DGKD: variants seen among roughly 807,000 people sequenced by gnomAD.
DGKD encodes diacylglycerol kinase delta, also known as DAG kinase delta.
Under a neutral mutation model 154.4 loss-of-function variants are expected in DGKD, and 68 were observed. The observed-to-expected ratio is 0.44, with a 90% CI of 0.36 to 0.54. The LOEUF (loss-of-function observed/expected upper bound fraction) is 0.54, where lower values mean the gene tolerates loss of function less well. DGKD is among the 20% of genes least tolerant of loss of function. The probability of loss-of-function intolerance (pLI) is 0.00; values close to 1 mark genes in which losing one functional copy is unlikely to be tolerated. For missense variants in DGKD, 1,343 were observed against 1,593.6 expected (o/e 0.84, Z 2.68); for synonymous variants, 693 against 638.0 (o/e 1.09, Z -1.30).
At chr2:233,454,332 C>A (rs1482970569) in intron 18 of DGKD, 1 of 463,490 alleles carries the variant, frequency 2.2e-6, no homozygotes, top group Non-Finnish European at 4.4e-6. Context: ...CATGGATGAA[C>A]TTTGAAAACA....
intron 1 of DGKD, among the ~76,000 whole-genome samples, chr2:233,362,208 A>G (rs1701817873): frequency 6.6e-6 from 1 of 152,240 alleles, no homozygotes; most frequent in Admixed American, 6.5e-5. Context: ...AAGATAGCTC[A>G]GAAGAAAATA....
At chr2:233,464,652 A>G (rs755293616) in intron 27 of DGKD, among the ~76,000 whole-genome samples, 1 of 152,164 alleles carries the variant, frequency 6.6e-6, no homozygotes, top group Non-Finnish European at 1.5e-5. Flanking sequence ...CCCGCTGTGG[A>G]CAGGGCGCAG....
intron 3 of DGKD, among the ~76,000 whole-genome samples, chr2:233,405,989 A>G (rs1457573571): frequency 1.3e-5 from 2 of 152,268 alleles, no homozygotes; most frequent in African/African-American, 2.4e-5. Flanking sequence ...ATGTAATTCT[A>G]TCACATTCCT....
At position 233,452,152 on chromosome 2, in the gene DGKD, A is replaced by C. The variant is rs1575151649; in HGVS notation, c.2264+92A>C. 10 of 1,214,926 alleles carry C rather than the reference A, an allele frequency of 8.2e-6. No individual in the cohort carries two copies. The East Asian group carries it at 2.4e-4, about 29-fold the overall frequency. The allele number at this position is 1,214,926 out of a possible 1,614,324, so 75.3% of individuals were successfully genotyped here. A position where few individuals can be genotyped will look rare whatever the true frequency, so the allele number is the denominator to read the frequency against. On this transcript the variant is annotated intron_variant, in intron 18 of 29. Coordinates refer to ENST00000264057, the MANE Select transcript of DGKD (RefSeq NM_152879.3). The surrounding 1 kb of genome is among the most constrained non-coding windows in gnomAD (Gnocchi z 4.0). ...TCAGGATTAACTAGAGAAATTAGTG[A>C]GCAGTTGCCCAGCTGGTGGTAGCTG...
intron 3 of DGKD, among the ~76,000 whole-genome samples, chr2:233,413,224 C>T (rs1376064161): frequency 1.3e-5 from 2 of 152,152 alleles, no homozygotes; most frequent in African/African-American, 2.4e-5. Context: ...ATGGTGAAAC[C>T]TCATCCCTAC....
chr2:233,437,354 T>G (rs748399563), intron 7 of DGKD, 23 bp from the exon 8 acceptor site: 15 of 1,608,842 alleles, frequency 9.3e-6, no homozygotes, highest in Middle Eastern at 1.6e-4. Context: ...TGACCCTTGG[T>G]GACGCGGGGA....
At chr2:233,424,928 C>T (rs2062242060) in intron 3 of DGKD, among the ~76,000 whole-genome samples, 2 of 152,190 alleles carry the variant, frequency 1.3e-5, no homozygotes, top group Non-Finnish European at 2.9e-5. Flanking sequence ...CTGCATGTCT[C>T]CAGTATGTCT....
Position 233,462,643 on chromosome 2 carries a change from G to A in DGKD, c.3094G>A (p.Gly1032Arg). Residue 1032 changes from glycine to arginine, a missense_variant and splice_region_variant, in exon 26 of 30, where the codon GGG becomes AGG. Coordinates refer to ENST00000264057, the MANE Select transcript of DGKD (RefSeq NM_152879.3). The part of the protein sequence containing the change: ...RVYGKPRTTE[G>R]LNCSFVLEMV... ...TGCATATTTGCCTGGTTTCTTCTAGGGGCTCAACTGCAGCTTCGTCCTGGA... is the reference window on the plus strand; with the variant it reads ...TGCATATTTGCCTGGTTTCTTCTAGAGGCTCAACTGCAGCTTCGTCCTGGA... 2 of 1,614,028 alleles carry A rather than the reference G, an allele frequency of 1.2e-6. No homozygotes were observed. The highest frequency in any genetic ancestry group is 1.7e-6 in the Non-Finnish European group (2 of 1,179,922).
intron 1 of DGKD, 47 bp from the exon 2 acceptor site, chr2:233,388,210 G>C (rs1227078598): frequency 6.3e-7 from 1 of 1,593,276 alleles, no homozygotes; most frequent in East Asian, 2.2e-5. Context: ...AAGAGTGAAA[G>C]GGCACCTTGA....
In DGKD at chr2:233,452,738, T is replaced by C. The variant is rs2063333252; in HGVS notation, c.2264+678T>C. ...GTCTTCCTAGGTATTGGAGTCCATT[T>C]TGGAGACAAGTGGTGTTTTGAAAAC... On this transcript the variant is annotated intron_variant, in intron 18 of 29. Transcript: ENST00000264057. The surrounding 1 kb of genome is among the most constrained non-coding windows in gnomAD (Gnocchi z 4.0). Among the ~76,000 whole-genome samples the C allele has an allele frequency of 6.6e-6, 1 of 152,214 alleles. No individual in the cohort carries two copies. Among genetic ancestry groups the C allele is most frequent in the Admixed American group, 6.5e-5 (1 of 15,282 alleles).
chr2:233,456,622 G>A (rs2063469382), intron 19 of DGKD, among the ~76,000 whole-genome samples: 1 of 152,036 alleles, frequency 6.6e-6, no homozygotes. Context: ...TTTTTATAGG[G>A]TTCTATAATG....
chr2:233,421,192 G>T (rs2125545510), intron 3 of DGKD, among the ~76,000 whole-genome samples: 1 of 152,210 alleles, frequency 6.6e-6, no homozygotes, highest in South Asian at 2.1e-4. Flanking sequence ...GGACCTGCTG[G>T]CCCTGCCGCC....
chr2:233,432,022 T>C (rs2062530967), intron 3 of DGKD, among the ~76,000 whole-genome samples: 1 of 152,228 alleles, frequency 6.6e-6, no homozygotes, highest in Admixed American at 6.5e-5. Context: ...CTCCTGTTTT[T>C]AACAAGTTAA....
At chr2:233,455,230 A>G (rs2063420511) in intron 19 of DGKD, among the ~76,000 whole-genome samples, 1 of 152,180 alleles carries the variant, frequency 6.6e-6, no homozygotes, top group East Asian at 1.9e-4. Flanking sequence ...TGTTTGTGGG[A>G]GGGTCTGTGT....
intron 1 of DGKD, among the ~76,000 whole-genome samples, chr2:233,382,236 AAAAC>A (rs1200577552): frequency 4.6e-5 from 7 of 152,222 alleles, no homozygotes; most frequent in South Asian, 2.1e-4. Flanking sequence ...TCTGTCTCAG[AAAAC>A]AAACAAACAA....
chr2:233,447,123 G>A lies in DGKD; in HGVS notation c.1419+327G>A, dbSNP rs763624458. ...AGTGAGCCCCAAACGGTGCGCGCCC[G>A]TTCCCTCCCCCGCCGCGGTGCCCAC... On this transcript the variant is annotated intron_variant, in intron 12 of 29. Transcript: ENST00000264057. Among the ~76,000 whole-genome samples, 7 of 152,202 alleles carry A rather than the reference G, an allele frequency of 4.6e-5. No homozygotes were observed. In the South Asian group the frequency reaches 8.3e-4, roughly 18 times the overall value.
intron 3 of DGKD, among the ~76,000 whole-genome samples, chr2:233,400,016 C>T (rs1278913153): frequency 6.6e-6 from 1 of 152,186 alleles, no homozygotes; most frequent in East Asian, 1.9e-4. Flanking sequence ...TCCTAGAAAG[C>T]AGCGCTGTAC....
At chr2:233,398,483 A>G (rs1208707009) in intron 3 of DGKD, among the ~76,000 whole-genome samples, 2 of 151,978 alleles carry the variant, frequency 1.3e-5, no homozygotes, top group Admixed American at 1.3e-4. Flanking sequence ...CTGTTTAACA[A>G]AGTCATTCCC....
At chr2:233,463,261 A>G (rs1478420644) in intron 26 of DGKD, among the ~76,000 whole-genome samples, 2 of 151,514 alleles carry the variant, frequency 1.3e-5, no homozygotes, top group African/African-American at 4.9e-5. Context: ...CACGCCACTC[A>G]CCTCCTCACT....
Sources: allele counts gnomAD v4.1 joint callset (sites outside exome capture counted in the v4.1 genomes callset), GRCh38; gene constraint gnomAD v4.1.1; non-coding constraint Gnocchi (gnomAD v3.1); transcripts MANE v1.5; gene names NCBI Gene and HGNC (gene_info 2026-07-23, HGNC 2026-07-21).